The following ACBD5 variants were observed in gnomAD, a reference collection of about 807,000 sequenced individuals.
ACBD5 encodes the protein acyl-CoA-binding domain-containing protein 5.
Under a neutral mutation model 71.8 loss-of-function variants are expected in ACBD5, and 40 were observed. The ratio of observed to expected loss-of-function variants is 0.56; its 90% CI spans 0.43 to 0.72. The LOEUF is 0.72. Ranked by LOEUF, ACBD5 falls within the 30% of genes least tolerant of loss-of-function variation. The pLI is 0.00. For missense variants in ACBD5, 559 were observed against 644.5 expected, an observed-to-expected ratio of 0.87 and a Z score of 1.44; for synonymous variants, 229 against 218.6, an observed-to-expected ratio of 1.05 and a Z score of -0.42.
chr10:27,226,833 T>A (rs2063105016), intron 4 of ACBD5, among the ~76,000 whole-genome samples: 1 of 151,354 alleles, frequency 6.6e-6, no homozygotes, highest in Admixed American at 6.6e-5. Context: ...TTTGTATTTT[T>A]AGTAGAGACG....
At chr10:27,221,917 CAAAAAAA>C (rs56253187) in intron 5 of ACBD5, among the ~76,000 whole-genome samples, 8 of 77,124 alleles carry the variant, frequency 1.0e-4, no homozygotes, top group Non-Finnish European at 1.7e-4. Context: ...GACTCCATCT[CAAAAAAA>C]AAAAAAAAAA....
chr10:27,195,657 C>T lies in ACBD5; in HGVS notation c.*1773G>A, dbSNP rs1454127307. On this transcript the variant is annotated 3_prime_UTR_variant, in exon 13 of 13. Coordinates refer to ENST00000396271, the MANE Select transcript of ACBD5 (RefSeq NM_145698.5). ...CACTTTTTCCTAAATAAATAGGGAA[C>T]ACTTTTTTAAAAGCAAATAGTAGTA... The T allele has an allele frequency of 2.4e-6, 1 of 420,456 alleles. No individual in the cohort carries two copies. Among genetic ancestry groups the T allele is most frequent in the Non-Finnish European group, 4.6e-6 (1 of 216,594 alleles). 26.0% of individuals were successfully genotyped at this position (420,456 alleles called of 1,614,324 possible).
intron 9 of ACBD5, among the ~76,000 whole-genome samples, chr10:27,209,376 C>G (rs957790071): frequency 6.6e-6 from 1 of 152,126 alleles, no homozygotes; most frequent in Admixed American, 6.6e-5. Flanking sequence ...CTCTGTTGCC[C>G]AGGCTGGAGT....
At chr10:27,233,735 G>A (rs1156420797) in intron 3 of ACBD5, among the ~76,000 whole-genome samples, 4 of 151,922 alleles carry the variant, frequency 2.6e-5, no homozygotes, top group African/African-American at 7.3e-5. Context: ...AAAGGTGTGG[G>A]TTTTAAAACA....
intron 4 of ACBD5, among the ~76,000 whole-genome samples, chr10:27,226,306 C>G (rs2063003822): frequency 6.6e-6 from 1 of 151,974 alleles, no homozygotes; most frequent in African/African-American, 2.4e-5. Flanking sequence ...TTCCTCCACC[C>G]TTTTGAAGAG....
At chr10:27,217,721 A>C (rs1296240166) in intron 7 of ACBD5, among the ~76,000 whole-genome samples, 1 of 151,300 alleles carries the variant, frequency 6.6e-6, no homozygotes, top group Non-Finnish European at 1.5e-5. Flanking sequence ...AGGCTGAGGC[A>C]GAATTGCCCA....
At chr10:27,197,910 C>T (rs1016891065) in intron 12 of ACBD5, among the ~76,000 whole-genome samples, 8 of 152,160 alleles carry the variant, frequency 5.3e-5, no homozygotes, top group South Asian at 2.1e-4. Flanking sequence ...GGATTACAGG[C>T]GTTAGCTATG....
chr10:27,218,743 G>T (rs1391926725), intron 6 of ACBD5, among the ~76,000 whole-genome samples: 1 of 151,950 alleles, frequency 6.6e-6, no homozygotes, highest in Non-Finnish European at 1.5e-5. Flanking sequence ...CCGCCACTAT[G>T]CCTGGCTAAT....
chr10:27,231,454 T>C (rs1329104492), intron 4 of ACBD5, among the ~76,000 whole-genome samples: 2 of 152,178 alleles, frequency 1.3e-5, no homozygotes, highest in Admixed American at 1.3e-4. Context: ...AAGGCGGAGA[T>C]TGCAGTGAGC....
At chr10:27,230,227 C>A (rs2063674850) in intron 4 of ACBD5, among the ~76,000 whole-genome samples, 1 of 151,802 alleles carries the variant, frequency 6.6e-6, no homozygotes, top group South Asian at 2.1e-4. Flanking sequence ...CGAAACTCTG[C>A]CCTTGGTTAC....
intron 2 of ACBD5, among the ~76,000 whole-genome samples, chr10:27,239,974 C>T (rs1252351882): frequency 6.6e-6 from 1 of 152,204 alleles, no homozygotes; most frequent in East Asian, 1.9e-4. Flanking sequence ...TCTTGAACTC[C>T]TGACCTCAGG....
At chr10:27,228,810 TATA>T (rs1468177450) in intron 4 of ACBD5, among the ~76,000 whole-genome samples, 10 of 5,370 alleles carry the variant, frequency 1.9e-3, no homozygotes, top group African/African-American at 3.0e-3. Context: ...TATATATATA[TATA>T]TATTTTTTTT....
intron 4 of ACBD5, among the ~76,000 whole-genome samples, chr10:27,226,448 CT>C (rs58688177): frequency 0.078 from 7,119 of 90,840 alleles, 366 homozygotes; most frequent in African/African-American, 0.17. Flanking sequence ...GAGATACAGA[CT>C]ACACACACAC....
chr10:27,203,944 T>C (rs1326058789), intron 12 of ACBD5, among the ~76,000 whole-genome samples: 2 of 151,922 alleles, frequency 1.3e-5, no homozygotes, highest in Non-Finnish European at 2.9e-5. Flanking sequence ...TTCAGAACAC[T>C]GTTTCCTCAC....
At position 27,195,643 on chromosome 10, in the gene ACBD5, A is replaced by G. The variant is rs1319050814; in HGVS notation, c.*1787T>C. On this transcript the variant is annotated 3_prime_UTR_variant, in exon 13 of 13. Coordinates refer to ENST00000396271, the MANE Select transcript of ACBD5 (RefSeq NM_145698.5). ...TCAGTTGCTTGCTTCACTTTTTCCT[A>G]AATAAATAGGGAACACTTTTTTAAA... 2.4e-6 allele frequency: 1 copy of G among 421,106 alleles called. No individual in the cohort carries two copies. Among genetic ancestry groups the G allele is most frequent in the Non-Finnish European group, 4.6e-6 (1 of 216,806 alleles). The allele number at this position is 421,106 out of a possible 1,614,324, so 26.1% of individuals were successfully genotyped here.
chr10:27,224,896 T>G (rs1387617173), intron 4 of ACBD5, among the ~76,000 whole-genome samples: 2 of 151,996 alleles, frequency 1.3e-5, no homozygotes, highest in African/African-American at 4.8e-5. Flanking sequence ...CCGGGCTTGG[T>G]GGCATGCACC....
intron 13 of ACBD5, among the ~76,000 whole-genome samples, chr10:27,184,451 C>T (rs950658632): frequency 6.6e-6 from 1 of 151,164 alleles, no homozygotes. Context: ...TGGATTTGGA[C>T]ATACTGAGTC....
rs1047920212 is a variant in ACBD5 at position 27,240,213 on chromosome 10, C to G, written c.181+106G>C. 3 of 1,581,504 alleles carry G rather than the reference C, an allele frequency of 1.9e-6. No homozygotes were observed. The highest frequency in any genetic ancestry group is 2.6e-6 in the Non-Finnish European group (3 of 1,160,720). On this transcript the variant is annotated intron_variant, in intron 2 of 12. Coordinates refer to ENST00000396271, the MANE Select transcript of ACBD5 (RefSeq NM_145698.5). The surrounding 1 kb of genome is among the most constrained non-coding windows in gnomAD (Gnocchi z 4.1). ...TAGCTCCCCTTCCACTACATGGCTC[C>G]TACACAGAAAAAAAGGCTAAATAAA...
intron 11 of ACBD5, among the ~76,000 whole-genome samples, chr10:27,204,791 G>T (rs1418252712): frequency 3.3e-5 from 5 of 152,132 alleles, no homozygotes; most frequent in Non-Finnish European, 7.4e-5. Context: ...GATTTCATTT[G>T]GAATGATTTA....
Sources: allele counts gnomAD v4.1 joint callset (sites outside exome capture counted in the v4.1 genomes callset), GRCh38; gene constraint gnomAD v4.1.1; non-coding constraint Gnocchi (gnomAD v3.1); transcripts MANE v1.5; gene names NCBI Gene and HGNC (gene_info 2026-07-23, HGNC 2026-07-21).